PNPLA7: variants seen among roughly 807,000 people sequenced by gnomAD.
PNPLA7 encodes the protein patatin like domain 7, lysophospholipase.
A neutral mutation model predicts 161.7 loss-of-function variants in PNPLA7; 153 were observed. The ratio of observed to expected loss-of-function variants is 0.95; its 90% confidence interval spans 0.83 to 1.08. The LOEUF (loss-of-function observed/expected upper bound fraction) is 1.08, where lower values mean the gene tolerates loss of function less well. Among genes scored for constraint, PNPLA7 ranks in the 50% least tolerant of loss-of-function variants. The pLI, the probability that PNPLA7 is intolerant of heterozygous loss-of-function variation, is 0.00. For synonymous variants in PNPLA7, 809 were observed against 782.1 expected (o/e 1.03, Z -0.57); for missense variants, 1,739 against 1,856.6 (o/e 0.94, Z 1.16).
At position 137,480,423 on chromosome 9, in the gene PNPLA7, G is replaced by A. The variant is rs960595592; in HGVS notation, c.2469C>T (p.Ile823=). ...GCGTGCCATCTGCCTGGTAGAGCAC[G>A]ATCCTGTGGGTGTCCTCCTGCTGCC... is the stretch of plus-strand genomic sequence containing the variant. ...WLGQQEDTHR[I]VLYQADGTLT... is the part of the protein sequence containing the mutation. The change falls in exon 23 of 35, where the codon ATC becomes ATT. Residue 823 remains isoleucine (I), a synonymous_variant. Coordinates refer to ENST00000406427, the MANE Select transcript of PNPLA7 (RefSeq NM_001098537.3). 11 of 1,613,092 alleles carry A rather than the reference G, an allele frequency of 6.8e-6. No individual in the cohort carries two copies. In the Admixed American group the frequency reaches 8.3e-5, roughly 12 times the overall value.
Position 137,520,034 on chromosome 9 carries a change from C to T in PNPLA7, c.967G>A (p.Ala323Thr), listed in dbSNP as rs758772855. The T allele has an allele frequency of 4.8e-5, 77 of 1,612,240 alleles. No homozygotes were observed. Among genetic ancestry groups the T allele is most frequent in the Admixed American group, 3.2e-4 (19 of 59,972 alleles). ...TTELFNAESQ[A>T]IPLVSVASVA... ...CTGGCTACAGACACGAGAGGGATGGCCTGGCTCTCCTGGGACACAAGAAGG... is the reference window on the plus strand; with the variant it reads ...CTGGCTACAGACACGAGAGGGATGGTCTGGCTCTCCTGGGACACAAGAAGG... The change falls in exon 11 of 35, where the codon GCC becomes ACC. Residue 323 changes from alanine to threonine, a missense_variant. By Grantham distance (58) the Ala-to-Thr change is moderately conservative (BLOSUM62 0). Transcript: ENST00000406427. This position sits in a 1 kb window ranked among gnomAD's most constrained non-coding sequence, Gnocchi z 5.2.
chr9:137,475,698 AAAAG>A (rs1207117632), intron 25 of PNPLA7, among the ~76,000 whole-genome samples: 1 of 152,088 alleles, frequency 6.6e-6, no homozygotes, highest in East Asian at 1.9e-4. Context: ...TTTTTAAAAA[AAAAG>A]AATCTCCTAC....
At chr9:137,496,716 A>G (rs1833078993) in intron 18 of PNPLA7, among the ~76,000 whole-genome samples, 2 of 152,130 alleles carry the variant, frequency 1.3e-5, no homozygotes, top group Admixed American at 1.3e-4. Flanking sequence ...CGTCTCAAAA[A>G]ACAAAACAAA....
intron 12 of PNPLA7, among the ~76,000 whole-genome samples, chr9:137,514,685 C>A (rs1405998944): frequency 7.7e-6 from 1 of 130,310 alleles, no homozygotes; most frequent in African/African-American, 3.0e-5. Context: ...GGGCTGCAGG[C>A]GGGTCACTCG....
rs763617215 is a variant in PNPLA7 at position 137,524,745 on chromosome 9, G to A, written c.748-1888C>T. 6.6e-6 allele frequency among the ~76,000 whole-genome samples: 1 copy of A among 151,856 alleles called. No individual in the cohort carries two copies. Among genetic ancestry groups the A allele is most frequent in the Non-Finnish European group, 1.5e-5 (1 of 67,998 alleles). ...TCTCACCAGCAGCGAACGAGTTTCC[G>A]TGGATGCCCCGTGGAATGAGTTTCC... On this transcript the variant is annotated intron_variant, in intron 8 of 34. Transcript: ENST00000406427. The surrounding 1 kb of genome is among the most constrained non-coding windows in gnomAD (Gnocchi z 4.4).
rs1364019891 is a variant in PNPLA7, at chr9:137,468,277, C to G, written c.2883-804G>C. ...TTCATACAGAATGTCCACCACTCAA[C>G]CAAAGATTACCAGTCATATGAGAAG... is the stretch of plus-strand genomic sequence containing the variant. On this transcript the variant is annotated intron_variant, in intron 25 of 34. Transcript: ENST00000406427. The surrounding 1 kb of genome is among the most constrained non-coding windows in gnomAD (Gnocchi z 4.0). Among the ~76,000 whole-genome samples, 2 of 151,814 alleles carry G rather than the reference C, an allele frequency of 1.3e-5. No homozygotes were observed. Among genetic ancestry groups the G allele is most frequent in the African/African-American group, 4.8e-5 (2 of 41,338 alleles).
chr9:137,492,074 C>T (rs772789331), intron 20 of PNPLA7: 3 of 985,326 alleles, frequency 3.0e-6, no homozygotes, highest in Non-Finnish European at 3.6e-6. Flanking sequence ...TGCTGTCCAG[C>T]AGAGATAAAG....
rs1463035651 is a variant in PNPLA7, at chr9:137,522,771, T to A, written c.834A>T (p.Gly278=). The change falls in exon 9 of 35, where the codon GGA becomes GGT. Residue 278 remains glycine (G), a synonymous_variant. Coordinates refer to ENST00000406427, the MANE Select transcript of PNPLA7 (RefSeq NM_001098537.3). ...GAGTTTCCGGATATTTCTCAAAAAC[T>A]CCATGAAAAGCCGCAGCTGGAAGCC... The part of the protein sequence containing the change: ...ILRLPAAAFH[G]VFEKYPETLV... 6.2e-7 allele frequency: 1 copy of A among 1,613,486 alleles called. No individual in the cohort carries two copies. Among genetic ancestry groups the A allele is most frequent in the Non-Finnish European group, 8.5e-7 (1 of 1,179,940 alleles).
At position 137,493,026 on chromosome 9, in the gene PNPLA7, C is replaced by G; in HGVS notation, c.2184G>C (p.Gln728His). The G allele has an allele frequency of 6.2e-7, 1 of 1,613,768 alleles. No individual in the cohort carries two copies. Among genetic ancestry groups the G allele is most frequent in the East Asian group, 2.2e-5 (1 of 44,876 alleles). ...LGEKILGSLQ[Q>H]GPVTGHQLGL... ...GAGGTGACCCACCTGTCACAGGTCC[C>G]TGCTGGAGGCTGCCCAGGATCTTCT... is the stretch of plus-strand genomic sequence containing the variant. Residue 728 changes from glutamine to histidine, a missense_variant, in exon 20 of 35, where the codon CAG becomes CAC. Physicochemically the swap from Gln to His is conservative, Grantham distance 24. This residue lies in a region of PNPLA7 where 192 missense variants were observed against 249.5 expected (regional missense o/e 0.77). Coordinates refer to ENST00000406427, the MANE Select transcript of PNPLA7 (RefSeq NM_001098537.3).
At chr9:137,463,091 G>A (rs1450706356) in intron 29 of PNPLA7, 7 of 601,930 alleles carry the variant, frequency 1.2e-5, no homozygotes, top group Middle Eastern at 4.5e-4. Context: ...CTCGACACCT[G>A]CAGGCTGTTA....
At chr9:137,526,364 G>A (rs1463123203) in intron 8 of PNPLA7, among the ~76,000 whole-genome samples, 2 of 152,030 alleles carry the variant, frequency 1.3e-5, no homozygotes, top group South Asian at 2.1e-4. Context: ...TACAAGCTCC[G>A]CCTCCCGGGT....
intron 14 of PNPLA7, among the ~76,000 whole-genome samples, chr9:137,502,425 TC>T (rs979912055): frequency 1.5e-4 from 22 of 146,978 alleles, no homozygotes; most frequent in African/African-American, 1.8e-4. Context: ...TGAAGGCAGC[TC>T]CCCCCCAAAA....
intron 18 of PNPLA7, 149 bp from the exon 19 acceptor site, chr9:137,495,295 C>T (rs1157195051): frequency 6.2e-5 from 37 of 594,594 alleles, no homozygotes; most frequent in Admixed American, 5.6e-4. Flanking sequence ...TGCTGGCGGG[C>T]GACGCTGTCA....
intron 12 of PNPLA7, among the ~76,000 whole-genome samples, chr9:137,507,945 C>T (rs546823328): frequency 2.0e-4 from 30 of 152,272 alleles, no homozygotes; most frequent in African/African-American, 7.2e-4. Context: ...GTAATCCCAG[C>T]ACTTTCAGAG....
chr9:137,526,953 C>T (rs1835331518), intron 8 of PNPLA7, among the ~76,000 whole-genome samples: 1 of 151,962 alleles, frequency 6.6e-6, no homozygotes, highest in Non-Finnish European at 1.5e-5. Context: ...ACCTCCAATA[C>T]GATGCTGAAC....
chr9:137,463,687 T>C (rs955782201), intron 28 of PNPLA7, among the ~76,000 whole-genome samples, 156 bp from the exon 29 acceptor site: 4 of 152,096 alleles, frequency 2.6e-5, no homozygotes, highest in African/African-American at 9.7e-5. Context: ...CTGAACAAAA[T>C]TGAGTTCTTT....
chr9:137,481,128 C>A, intron 21 of PNPLA7, 105 bp from the exon 22 acceptor site: 1 of 1,234,502 alleles, frequency 8.1e-7, no homozygotes, highest in Non-Finnish European at 1.2e-6. Context: ...CAGGCACCGA[C>A]GCCCAGCCAG....
intron 10 of PNPLA7, 56 bp downstream of exon 10, chr9:137,521,580 T>A (rs1834992414): frequency 6.4e-7 from 1 of 1,567,446 alleles, no homozygotes; most frequent in African/African-American, 1.4e-5. Context: ...CCAATAGCTG[T>A]CCCGATGCCA....
chr9:137,527,199 C>T (rs996977923), intron 8 of PNPLA7, among the ~76,000 whole-genome samples: 13 of 151,112 alleles, frequency 8.6e-5, no homozygotes, highest in African/African-American at 1.9e-4. Flanking sequence ...TCAGAGGGGG[C>T]GGAGGTTGCA....
Sources: gnomAD v4.1 joint callset for allele counts (sites outside exome capture counted in the v4.1 genomes callset) on GRCh38, gnomAD v4.1.1 for gene constraint, gnomAD v4.1.1 regional missense constraint, Gnocchi (gnomAD v3.1) non-coding constraint, MANE v1.5 for transcripts, NCBI Gene and HGNC (gene_info 2026-07-23, HGNC 2026-07-21) for gene names.